Variants in SLC8B1 observed in about 807,000 individuals in gnomAD.
The protein encoded by SLC8B1 is mitochondrial sodium/calcium exchanger protein.
A neutral mutation model predicts 63.4 loss-of-function variants in SLC8B1; 52 were observed. The ratio of observed to expected loss-of-function variants is 0.82; its 90% confidence interval spans 0.66 to 1.03. SLC8B1 has a LOEUF of 1.03. SLC8B1 is among the 50% of genes least tolerant of loss of function. The pLI, the probability that SLC8B1 is intolerant of heterozygous loss-of-function variation, is 0.00. For synonymous variants in SLC8B1, 336 were observed against 323.9 expected (o/e 1.04, Z -0.40); for missense variants, 657 against 741.7 (o/e 0.89, Z 1.33).
Position 113,318,961 on chromosome 12 carries a change from T to C in SLC8B1, c.802+3A>G, listed in dbSNP as rs761009456. On this transcript the variant is annotated splice_donor_region_variant and intron_variant, in intron 8 of 15. Transcript: ENST00000680972. ...CTCTCTGGGGTCCGATGCAGACTCT[T>C]ACCTGGAGTAACTGGCATGGGGCAG... is the stretch of plus-strand genomic sequence containing the variant. 5.6e-6 allele frequency: 9 copies of C among 1,613,300 alleles called. No homozygotes were observed. Among genetic ancestry groups the C allele is most frequent in the Admixed American group, 3.3e-5 (2 of 59,998 alleles).
intron 11 of SLC8B1, 93 bp from the exon 12 acceptor site, chr12:113,310,448 C>T (rs1956742367): frequency 1.3e-6 from 2 of 1,506,706 alleles, no homozygotes; most frequent in Middle Eastern, 1.8e-4. Context: ...CACTTCCTAT[C>T]TGCCCAGCCC....
At chr12:113,330,525 GT>G (rs1044212482) in intron 2 of SLC8B1, among the ~76,000 whole-genome samples, 3 of 152,210 alleles carry the variant, frequency 2.0e-5, no homozygotes, top group African/African-American at 7.2e-5. Context: ...ACCTCACGGG[GT>G]TTGGGGGAGG....
rs1190220671 is a variant in SLC8B1, at chr12:113,321,480, C to A, written c.157-132G>T. The A allele has an allele frequency of 7.5e-6, 8 of 1,060,626 alleles. No homozygotes were observed. The Admixed American group carries it at 9.3e-5, about 12-fold the overall frequency. The allele number at this position is 1,060,626 out of a possible 1,614,324, so 65.7% of individuals were successfully genotyped here. ...GGCCACCATACCCTCTGGGTGCCAA[C>A]TATGGATGCACTTTTAATTTTAAAA... On this transcript the variant is annotated intron_variant, in intron 2 of 15. Transcript: ENST00000680972.
intron 2 of SLC8B1, among the ~76,000 whole-genome samples, chr12:113,322,359 C>T (rs117155477): frequency 0.016 from 2,365 of 152,248 alleles, 21 homozygotes; most frequent in Non-Finnish European, 0.024. Flanking sequence ...CCCCTGCCTC[C>T]CCACAGAGTC....
intron 12 of SLC8B1, among the ~76,000 whole-genome samples, chr12:113,309,168 TAAGTA>T (rs756344120): frequency 6.6e-6 from 1 of 151,836 alleles, no homozygotes; most frequent in African/African-American, 2.4e-5. Context: ...ATGAAAATAT[TAAGTA>T]AACTTTTTTT....
chr12:113,332,793 C>G lies in SLC8B1; in HGVS notation c.86G>C (p.Gly29Ala), dbSNP rs1476103487. The G allele has an allele frequency of 5.6e-6, 9 of 1,614,084 alleles. No homozygotes were observed. The African/African-American group carries it at 1.2e-4, about 22-fold the overall frequency. ...LMAETVSGTR[G>A]SSTGAHISPQ... ...GCTAATGTGAGCTCCTGTAGACGAG[C>G]CCCTAGTCCCAGACACTGTCTCCGC... Residue 29 changes from glycine to alanine, a missense_variant, in exon 2 of 16, where the codon GGC becomes GCC. Transcript: ENST00000680972.
intron 12 of SLC8B1, among the ~76,000 whole-genome samples, chr12:113,309,152 G>A (rs1056152885): frequency 6.6e-6 from 1 of 151,712 alleles, no homozygotes; most frequent in African/African-American, 2.4e-5. Flanking sequence ...ACCACGCCCA[G>A]CCAAAATGAA....
chr12:113,323,902 G>A (rs1956962448), intron 2 of SLC8B1, among the ~76,000 whole-genome samples: 1 of 152,002 alleles, frequency 6.6e-6, no homozygotes, highest in South Asian at 2.1e-4. Context: ...TTTTTGCTAA[G>A]AGCTCTACCC....
intron 11 of SLC8B1, among the ~76,000 whole-genome samples, chr12:113,312,331 G>A (rs1566230492): frequency 6.6e-6 from 1 of 152,190 alleles, no homozygotes; most frequent in Admixed American, 6.5e-5. Context: ...CTACTTGGGA[G>A]ACTGAGGCAG....
rs554740195 is a variant in SLC8B1, at chr12:113,320,948, C to T, written c.363-41G>A. 25 of 1,592,132 alleles carry T rather than the reference C, an allele frequency of 1.6e-5. No individual in the cohort carries two copies. Among genetic ancestry groups the T allele is most frequent in the East Asian group, 4.5e-5 (2 of 44,196 alleles). ...GGACGGGAAGCATTTCCGTAGTAAC[C>T]GGCCCCGGACCCCTATCCTTCCCCC... is the stretch of plus-strand genomic sequence containing the variant. On this transcript the variant is annotated intron_variant, in intron 4 of 15. Coordinates refer to ENST00000680972, the MANE Select transcript of SLC8B1 (RefSeq NM_001358345.2). The surrounding 1 kb of genome is among the most constrained non-coding windows in gnomAD (Gnocchi z 5.3).
chr12:113,310,171 G>T, intron 12 of SLC8B1, 63 bp downstream of exon 12: 2 of 1,565,860 alleles, frequency 1.3e-6, no homozygotes, highest in Admixed American at 3.8e-5. Context: ...ATGCAGACAG[G>T]ACATCTGTGT....
At chr12:113,315,547 C>G in intron 10 of SLC8B1, 71 bp from the exon 11 acceptor site, 1 of 1,467,096 alleles carries the variant, frequency 6.8e-7, no homozygotes, top group Non-Finnish European at 9.1e-7. Flanking sequence ...AGATGGACTT[C>G]AGTGACTCAA....
At position 113,307,779 on chromosome 12, in the gene SLC8B1, C is replaced by A. The variant is rs1467495806; in HGVS notation, c.1323G>T (p.Val441=). ...CCACACCCAGGGACCGCAAGATGTT[C>A]ACCACCTCTGTGGCGGCCGCGTTGA... ...LWINAAATEV[V]NILRSLGVVF... The change falls in exon 13 of 16, where the codon GTG becomes GTT. Residue 441 remains valine (V), a synonymous_variant. Coordinates refer to ENST00000680972, the MANE Select transcript of SLC8B1 (RefSeq NM_001358345.2). 3.7e-6 allele frequency: 6 copies of A among 1,613,958 alleles called. No individual in the cohort carries two copies. In the South Asian group the frequency reaches 6.6e-5, roughly 18 times the overall value.
Position 113,307,859 on chromosome 12 carries a change from G to A in SLC8B1, c.1258-15C>T. ...AAAGCAAAGAGCTGCGGAGGGAATG[G>A]TTTGCTGTGGGACCAAGGCCAGCCC... On this transcript the variant is annotated splice_polypyrimidine_tract_variant and intron_variant, in intron 12 of 15. Coordinates refer to ENST00000680972, the MANE Select transcript of SLC8B1 (RefSeq NM_001358345.2). 1 of 1,609,056 alleles carries A rather than the reference G, an allele frequency of 6.2e-7. No homozygotes were observed. The highest frequency in any genetic ancestry group is 2.2e-5 in the East Asian group (1 of 44,878).
At chr12:113,309,093 G>A (rs1956719235) in intron 12 of SLC8B1, among the ~76,000 whole-genome samples, 1 of 152,072 alleles carries the variant, frequency 6.6e-6, no homozygotes. Context: ...GACCTCAGGT[G>A]ATCCACCCGT....
intron 2 of SLC8B1, among the ~76,000 whole-genome samples, chr12:113,328,101 C>G (rs549979624): frequency 1.3e-5 from 2 of 151,896 alleles, no homozygotes; most frequent in Non-Finnish European, 2.9e-5. Context: ...GGCGTGATCA[C>G]AGCTCACTCC....
At chr12:113,327,946 C>CCA (rs112885837) in intron 2 of SLC8B1, among the ~76,000 whole-genome samples, 17,430 of 149,008 alleles carry the variant, frequency 0.12, 1,196 homozygotes, top group African/African-American at 0.19. Context: ...CCATTGCACT[C>CCA]CAGCCTAGGC....
At chr12:113,312,782 A>AAT (rs1184872489) in intron 11 of SLC8B1, among the ~76,000 whole-genome samples, 1 of 152,226 alleles carries the variant, frequency 6.6e-6, no homozygotes, top group East Asian at 1.9e-4. Flanking sequence ...TCATTGTATC[A>AAT]AGGAGAAAGT....
rs1217357086 is a variant in SLC8B1, at chr12:113,315,347, G to A, written c.1123C>T (p.Gln375Ter). The A allele has an allele frequency of 1.3e-6, 2 of 1,543,730 alleles. No individual in the cohort carries two copies. Among genetic ancestry groups the A allele is most frequent in the Admixed American group, 2.0e-5 (1 of 49,546 alleles). Reference protein sequence around the residue: ...ISPLVVVLTLQSGTYGVYEIG... With the variant: ...ISPLVVVLTL ...AGGGGATACTCACAGGTCCCCGACT[G>A]CAGGGTCAGGACCACAACCAGGGGG... is the stretch of plus-strand genomic sequence containing the variant. The change falls in exon 11 of 16, where the codon CAG becomes TAG. Residue 375 changes from glutamine to a stop codon, truncating the protein, a stop_gained. Coordinates refer to ENST00000680972, the MANE Select transcript of SLC8B1 (RefSeq NM_001358345.2). LOFTEE classifies it high-confidence loss of function.
Sources: allele counts gnomAD v4.1 joint callset (sites outside exome capture counted in the v4.1 genomes callset), GRCh38; gene constraint gnomAD v4.1.1; non-coding constraint Gnocchi (gnomAD v3.1); transcripts MANE v1.5; gene names NCBI Gene and HGNC (gene_info 2026-07-23, HGNC 2026-07-21).